The following CNPY1 variants were observed in gnomAD, a reference collection of about 807,000 sequenced individuals.
CNPY1 encodes protein canopy homolog 1.
In CNPY1, 14 loss-of-function variants were observed where a neutral mutation model predicts 14.4. That is an observed-to-expected ratio of 0.97 (90% CI 0.64 to 1.52). CNPY1 has a LOEUF of 1.52. Among genes scored for constraint, CNPY1 ranks in the 40% most tolerant of loss-of-function variants. The probability of loss-of-function intolerance (pLI) is 0.00; values close to 1 mark genes in which losing one functional copy is unlikely to be tolerated. For missense variants in CNPY1, 129 were observed against 131.5 expected (o/e 0.98, Z 0.09); for synonymous variants, 43 against 46.5 (o/e 0.92, Z 0.31).
intron 2 of CNPY1, among the ~76,000 whole-genome samples, chr7:155,541,121 T>C (rs765997841): frequency 1.3e-5 from 2 of 152,190 alleles, no homozygotes; most frequent in Non-Finnish European, 2.9e-5. Context: ...GTCTCCCACC[T>C]GTCCCCAACA....
chr7:155,509,248 T>C (rs1796440728), intron 2 of CNPY1, among the ~76,000 whole-genome samples, 151 bp from the exon 3 acceptor site: 1 of 152,234 alleles, frequency 6.6e-6, no homozygotes, highest in Non-Finnish European at 1.5e-5. Flanking sequence ...TACCGCAGAT[T>C]GTTATTACAA....
intron 2 of CNPY1, among the ~76,000 whole-genome samples, chr7:155,542,943 C>A (rs547807146): frequency 6.6e-5 from 10 of 152,276 alleles, no homozygotes; most frequent in Non-Finnish European, 1.3e-4. Flanking sequence ...TGGACACAGG[C>A]CGCTTTGCAC....
At chr7:155,541,465 A>G (rs1797083216) in intron 2 of CNPY1, among the ~76,000 whole-genome samples, 3 of 152,100 alleles carry the variant, frequency 2.0e-5, no homozygotes, top group Admixed American at 2.0e-4. Flanking sequence ...AACATTGAAG[A>G]CTTCTGAGCT....
At chr7:155,516,718 C>A (rs890143657) in intron 2 of CNPY1, among the ~76,000 whole-genome samples, 1 of 152,188 alleles carries the variant, frequency 6.6e-6, no homozygotes, top group African/African-American at 2.4e-5. Context: ...CTACTTCTTA[C>A]AGTCACAATG....
chr7:155,505,667 C>T (rs778937455), intron 4 of CNPY1, among the ~76,000 whole-genome samples: 2 of 152,124 alleles, frequency 1.3e-5, no homozygotes, highest in Non-Finnish European at 2.9e-5. Context: ...TAGACCACGT[C>T]CTTTATGAGG....
At chr7:155,509,945 G>A (rs1322104608) in intron 2 of CNPY1, among the ~76,000 whole-genome samples, 2 of 152,176 alleles carry the variant, frequency 1.3e-5, no homozygotes, top group African/African-American at 2.4e-5. Context: ...AGGATGCGGC[G>A]TCCCCGCGGC....
intron 4 of CNPY1, 137 bp downstream of exon 4, chr7:155,506,883 G>T: frequency 1.6e-6 from 1 of 639,930 alleles, no homozygotes; most frequent in Non-Finnish European, 2.8e-6. Context: ...TTCTGATTCA[G>T]CGGAGACGGG....
At chr7:155,518,144 G>C (rs755187538) in intron 2 of CNPY1, among the ~76,000 whole-genome samples, 4 of 152,160 alleles carry the variant, frequency 2.6e-5, no homozygotes, top group Non-Finnish European at 5.9e-5. Flanking sequence ...GAGCTGCCAG[G>C]AGGGGTGGCC....
At chr7:155,523,552 C>T (rs1796765031) in intron 2 of CNPY1, among the ~76,000 whole-genome samples, 1 of 152,182 alleles carries the variant, frequency 6.6e-6, no homozygotes, top group Non-Finnish European at 1.5e-5. Flanking sequence ...ATGAAGAGGC[C>T]ACAGAGGGAC....
chr7:155,538,895 TG>T (rs1797053870), intron 2 of CNPY1, among the ~76,000 whole-genome samples: 1 of 152,122 alleles, frequency 6.6e-6, no homozygotes, highest in Non-Finnish European at 1.5e-5. Flanking sequence ...TGAGCTCCTA[TG>T]GGGGAAGAAT....
intron 3 of CNPY1, 76 bp from the exon 4 acceptor site, chr7:155,507,192 A>T: frequency 1.1e-6 from 1 of 870,310 alleles, no homozygotes; most frequent in Non-Finnish European, 1.9e-6. Context: ...ACTTTGCAAC[A>T]ATTTATTAGC....
chr7:155,541,721 G>A (rs1360939050), intron 2 of CNPY1, among the ~76,000 whole-genome samples: 2 of 152,168 alleles, frequency 1.3e-5, no homozygotes, highest in African/African-American at 4.8e-5. Flanking sequence ...CGAGGGTCTT[G>A]CTGCCTGGCT....
rs548160908 is a variant in CNPY1, at chr7:155,536,570, C to T, written c.99+9261G>A. On this transcript the variant is annotated intron_variant, in intron 2 of 4. Transcript: ENST00000636446. The surrounding 1 kb of genome is among the most constrained non-coding windows in gnomAD (Gnocchi z 4.1). The stretch of plus-strand genomic sequence containing the variant: ...ATGTGCTGGAGTCCCAGCCGTGGAA[C>T]GTAGGCAGAAGCAAGGCCCCTCCCT... Among the ~76,000 whole-genome samples the T allele has an allele frequency of 3.3e-5, 5 of 152,284 alleles. No individual in the cohort carries two copies. The highest frequency in any genetic ancestry group is 1.3e-4 in the Admixed American group (2 of 15,296).
chr7:155,506,142 A>G (rs1255877569), intron 4 of CNPY1, among the ~76,000 whole-genome samples: 1 of 152,222 alleles, frequency 6.6e-6, no homozygotes, highest in Non-Finnish European at 1.5e-5. Context: ...ATGTAGGTGT[A>G]TTATATACTT....
chr7:155,507,264 A>G (rs1194641846), intron 3 of CNPY1, 148 bp from the exon 4 acceptor site: 8 of 628,184 alleles, frequency 1.3e-5, no homozygotes, highest in Non-Finnish European at 2.0e-5. Context: ...GGTTTAATAC[A>G]TCATTGCATT....
intron 2 of CNPY1, among the ~76,000 whole-genome samples, chr7:155,527,592 C>T (rs1486526466): frequency 2.0e-5 from 3 of 150,776 alleles, no homozygotes; most frequent in Non-Finnish European, 4.4e-5. Context: ...CAAGTACACG[C>T]CACCACACCC....
chr7:155,526,573 C>T (rs35384113), intron 2 of CNPY1, among the ~76,000 whole-genome samples: 17,196 of 152,164 alleles, frequency 0.11, 1,042 homozygotes, highest in South Asian at 0.2. Context: ...GCAAAGGCTA[C>T]AAATACACAC....
At chr7:155,525,604 G>A (rs1295166163) in intron 2 of CNPY1, among the ~76,000 whole-genome samples, 2 of 152,124 alleles carry the variant, frequency 1.3e-5, no homozygotes, top group Non-Finnish European at 1.5e-5. Context: ...AGCCAGTACC[G>A]GTAAGACCAC....
intron 2 of CNPY1, among the ~76,000 whole-genome samples, chr7:155,538,548 C>A (rs1797049126): frequency 6.6e-6 from 1 of 152,146 alleles, no homozygotes; most frequent in Non-Finnish European, 1.5e-5. Flanking sequence ...GCCACGCCCC[C>A]ACAAGGCCCT....
Sources: gnomAD v4.1 joint callset for allele counts (sites outside exome capture counted in the v4.1 genomes callset) on GRCh38, gnomAD v4.1.1 for gene constraint, Gnocchi (gnomAD v3.1) non-coding constraint, MANE v1.5 for transcripts, NCBI Gene and HGNC (gene_info 2026-07-23, HGNC 2026-07-21) for gene names.